Variants in FXN observed in about 807,000 individuals in gnomAD.
FXN encodes the protein frataxin, also known as frataxin, mitochondrial.
Under a neutral mutation model 22.4 loss-of-function variants are expected in FXN, and 14 were observed. The observed-to-expected ratio is 0.62, with a 90% CI of 0.41 to 0.98. The LOEUF (loss-of-function observed/expected upper bound fraction) is 0.98, where lower values mean the gene tolerates loss of function less well. Among genes scored for constraint, FXN ranks in the 50% least tolerant of loss-of-function variants. The probability of loss-of-function intolerance (pLI) is 0.00; values close to 1 mark genes in which losing one functional copy is unlikely to be tolerated. For missense variants in FXN, 267 were observed against 268.4 expected, an observed-to-expected ratio of 0.99 and a Z score of 0.04; for synonymous variants, 120 against 114.1, an observed-to-expected ratio of 1.05 and a Z score of -0.33.
chr9:69,037,990 G>A (rs1587813594), intron 1 of FXN, among the ~76,000 whole-genome samples: 1 of 152,288 alleles, frequency 6.6e-6, no homozygotes, highest in East Asian at 1.9e-4. Flanking sequence ...GACAAGAGGT[G>A]GTACAGTTTT....
At chr9:69,058,506 AG>A (rs1282221670) in intron 3 of FXN, among the ~76,000 whole-genome samples, 1 of 151,736 alleles carries the variant, frequency 6.6e-6, no homozygotes, top group East Asian at 1.9e-4. Flanking sequence ...CTTAGAACTG[AG>A]GGTTCTTCAT....
At position 69,074,761 on chromosome 9, in the gene FXN, T is replaced by C; in HGVS notation, c.*1999T>C. The C allele has an allele frequency of 6.7e-6, 6 of 891,016 alleles. No individual in the cohort carries two copies. Among genetic ancestry groups the C allele is most frequent in the Non-Finnish European group, 6.7e-6 (5 of 744,326 alleles). 55.2% of individuals were successfully genotyped at this position (891,016 alleles called of 1,614,324 possible). A position where few individuals can be genotyped will look rare whatever the true frequency, so the allele number is the denominator to read the frequency against. On this transcript the variant is annotated 3_prime_UTR_variant, in exon 5 of 5. Coordinates refer to ENST00000484259, the MANE Select transcript of FXN (RefSeq NM_000144.5). ...AAAAAAAGAAAAAAAAACCTATTAA[T>C]AATAAAACAGTATAAACAAAAGCTA...
chr9:69,073,130 A>C lies in FXN; in HGVS notation c.*368A>C, dbSNP rs1832304115. The C allele has an allele frequency of 8.8e-7, 1 of 1,138,334 alleles. No individual in the cohort carries two copies. Among genetic ancestry groups the C allele is most frequent in the Non-Finnish European group, 1.1e-6 (1 of 922,436 alleles). The allele number at this position is 1,138,334 out of a possible 1,614,324, so 70.5% of individuals were successfully genotyped here. On this transcript the variant is annotated 3_prime_UTR_variant, in exon 5 of 5. Coordinates refer to ENST00000484259, the MANE Select transcript of FXN (RefSeq NM_000144.5). ...ATTGTCTTCACTCTTCATTCTTTGA[A>C]GGATTTACTGCAAGAAGTACATGAA... is the stretch of plus-strand genomic sequence containing the variant.
chr9:69,036,080 T>C, intron 1 of FXN, 133 bp downstream of exon 1: 1 of 777,544 alleles, frequency 1.3e-6, no homozygotes, highest in Non-Finnish European at 1.7e-6. Flanking sequence ...CCGCTCCTTC[T>C]CAGGGCGGCC....
chr9:69,062,149 T>C (rs560429810), intron 3 of FXN, among the ~76,000 whole-genome samples: 8 of 152,318 alleles, frequency 5.3e-5, no homozygotes, highest in Middle Eastern at 3.4e-3. Context: ...GTTCTCTGTG[T>C]CACCCAGGCT....
Position 69,065,041 on chromosome 9 carries a change from T to C in FXN, c.482+6T>C, listed in dbSNP as rs1315400665. The stretch of plus-strand genomic sequence containing the variant: ...TGGCTATCTTCTCCATCCAGGTATG[T>C]AGGTATGTTCAGAAGTCAACATATG... On this transcript the variant is annotated splice_donor_region_variant and intron_variant, in intron 4 of 4. Transcript: ENST00000484259. The C allele has an allele frequency of 6.2e-7, 1 of 1,604,048 alleles. No homozygotes were observed. The highest frequency in any genetic ancestry group is 1.7e-5 in the Admixed American group (1 of 59,982).
At chr9:69,047,340 C>T (rs911642629) in intron 2 of FXN, among the ~76,000 whole-genome samples, 19 of 149,840 alleles carry the variant, frequency 1.3e-4, no homozygotes, top group Non-Finnish European at 2.4e-4. Context: ...GACACAGACA[C>T]ACACACACAG....
At chr9:69,048,498 G>A (rs1254193135) in intron 2 of FXN, among the ~76,000 whole-genome samples, 4 of 151,986 alleles carry the variant, frequency 2.6e-5, no homozygotes, top group Non-Finnish European at 5.9e-5. Flanking sequence ...CCAGCTACTC[G>A]GGAGCCTGAG....
intron 3 of FXN, among the ~76,000 whole-genome samples, chr9:69,062,086 AC>A (rs1219109192): frequency 1.3e-5 from 2 of 151,794 alleles, no homozygotes; most frequent in Non-Finnish European, 2.9e-5. Flanking sequence ...AATACTAAAA[AC>A]TCCTGAATTA....
intron 3 of FXN, among the ~76,000 whole-genome samples, chr9:69,059,999 C>T (rs1832036387): frequency 6.6e-6 from 1 of 152,166 alleles, no homozygotes; most frequent in African/African-American, 2.4e-5. Flanking sequence ...TCTATTTCTA[C>T]AAGTGAGCTA....
chr9:69,051,470 T>C (rs1210107581), intron 2 of FXN, among the ~76,000 whole-genome samples: 2 of 152,118 alleles, frequency 1.3e-5, no homozygotes, highest in East Asian at 3.8e-4. Context: ...TTTGATATTA[T>C]ACATAAACCA....
At position 69,073,722 on chromosome 9, in the gene FXN, T is replaced by G. The variant is rs1048826225; in HGVS notation, c.*960T>G. 1 of 985,182 alleles carries G rather than the reference T, an allele frequency of 1.0e-6. No individual in the cohort carries two copies. Among genetic ancestry groups the G allele is most frequent in the African/African-American group, 1.7e-5 (1 of 57,162 alleles). 61.0% of individuals were successfully genotyped at this position (985,182 alleles called of 1,614,324 possible). A position where few individuals can be genotyped will look rare whatever the true frequency, so the allele number is the denominator to read the frequency against. On this transcript the variant is annotated 3_prime_UTR_variant, in exon 5 of 5. Coordinates refer to ENST00000484259, the MANE Select transcript of FXN (RefSeq NM_000144.5). ...CCATCTGTTAAATGAGAGAATAGAGTATGGTTGATTCCCAGCATTCAGTGG... is the reference window on the plus strand; with the variant it reads ...CCATCTGTTAAATGAGAGAATAGAGGATGGTTGATTCCCAGCATTCAGTGG...
At chr9:69,070,479 C>T (rs1047683911) in intron 4 of FXN, among the ~76,000 whole-genome samples, 5 of 152,170 alleles carry the variant, frequency 3.3e-5, no homozygotes, top group Admixed American at 3.3e-4. Context: ...GGTAACGATG[C>T]GAGGGCTTGG....
intron 3 of FXN, among the ~76,000 whole-genome samples, chr9:69,060,233 T>C (rs1456746484): frequency 6.6e-6 from 1 of 151,844 alleles, no homozygotes; most frequent in Non-Finnish European, 1.5e-5. Context: ...TAGCTGGGCG[T>C]GGTGGTGGGC....
chr9:69,035,986 C>A, intron 1 of FXN, 39 bp downstream of exon 1: 1 of 1,385,870 alleles, frequency 7.2e-7, no homozygotes, highest in Non-Finnish European at 9.4e-7. Flanking sequence ...GGCCGCACGC[C>A]GCGGGCCGCA....
At chr9:69,036,009 G>A (rs1409295781) in intron 1 of FXN, 62 bp downstream of exon 1, 3 of 1,217,078 alleles carry the variant, frequency 2.5e-6, no homozygotes, top group East Asian at 3.5e-5. Context: ...CCGCACGCCT[G>A]CGCAGGGAGG....
chr9:69,071,560 G>A (rs7870295), intron 4 of FXN, among the ~76,000 whole-genome samples: 62,228 of 152,052 alleles, frequency 0.41, 13,018 homozygotes, highest in East Asian at 0.56. Context: ...TCTGGTATAA[G>A]AAGACATGGC....
At chr9:69,060,350 G>A (rs1412597513) in intron 3 of FXN, among the ~76,000 whole-genome samples, 1 of 150,732 alleles carries the variant, frequency 6.6e-6, no homozygotes, top group Non-Finnish European at 1.5e-5. Flanking sequence ...TAGCCTGGGT[G>A]ACAGAGCGAG....
At chr9:69,066,171 C>T (rs533060558) in intron 4 of FXN, among the ~76,000 whole-genome samples, 1 of 152,312 alleles carries the variant, frequency 6.6e-6, no homozygotes, top group Admixed American at 6.5e-5. Flanking sequence ...CAGATCCAGT[C>T]ATTCATTAGC....
Sources: gnomAD v4.1 joint callset for allele counts (sites outside exome capture counted in the v4.1 genomes callset) on GRCh38, gnomAD v4.1.1 for gene constraint, MANE v1.5 for transcripts, NCBI Gene and HGNC (gene_info 2026-07-23, HGNC 2026-07-21) for gene names.